Variants in NAALADL2 observed in about 807,000 individuals in gnomAD.
The protein encoded by NAALADL2 is inactive N-acetylated-alpha-linked acidic dipeptidase-like protein 2.
In NAALADL2, 76 loss-of-function variants were observed where a neutral mutation model predicts 87.2. The observed-to-expected ratio is 0.87, with a 90% CI of 0.72 to 1.05. The LOEUF (loss-of-function observed/expected upper bound fraction) is 1.05. Among genes scored for constraint, NAALADL2 ranks in the 50% least tolerant of loss-of-function variants. The pLI is 0.00. For missense variants in NAALADL2, 1,089 were observed against 945.8 expected, an observed-to-expected ratio of 1.15 and a Z score of -1.99; for synonymous variants, 354 against 331.0, an observed-to-expected ratio of 1.07 and a Z score of -0.75.
chr3:175,725,686 G>A (rs1742824628), intron 11 of NAALADL2, among the ~76,000 whole-genome samples: 1 of 152,132 alleles, frequency 6.6e-6, no homozygotes, highest in Admixed American at 6.6e-5. Context: ...CAGATCTGCA[G>A]CCAGAATGCT....
chr3:174,677,112 A>G (rs1727107176), intron 2 of NAALADL2, among the ~76,000 whole-genome samples: 1 of 151,944 alleles, frequency 6.6e-6, no homozygotes, highest in African/African-American at 2.4e-5. Flanking sequence ...CCTCTATCAT[A>G]TCTATCTGCC....
At position 175,560,911 on chromosome 3, in the gene NAALADL2, C is replaced by T. The variant is rs149618303; in HGVS notation, c.1654-15130C>T. Among the ~76,000 whole-genome samples the T allele has an allele frequency of 1.9e-3, 294 of 152,240 alleles. 1 individual carries two copies. Among genetic ancestry groups the T allele is most frequent in the African/African-American group, 5.1e-3 (211 of 41,530 alleles). The stretch of plus-strand genomic sequence containing the variant: ...CTGGGATTACAGGCGTGAACCATTG[C>T]GCCCAGCCCATAACTGAACATTTCT... On this transcript the variant is annotated intron_variant, in intron 9 of 13. Coordinates refer to ENST00000454872, the MANE Select transcript of NAALADL2 (RefSeq NM_207015.3).
At chr3:175,740,936 G>T (rs1017605217) in intron 12 of NAALADL2, among the ~76,000 whole-genome samples, 1 of 152,146 alleles carries the variant, frequency 6.6e-6, no homozygotes, top group Non-Finnish European at 1.5e-5. Flanking sequence ...TGGTATAGGT[G>T]ATAAAAAAGT....
At chr3:175,539,723 C>T (rs1348793298) in intron 9 of NAALADL2, among the ~76,000 whole-genome samples, 1 of 152,018 alleles carries the variant, frequency 6.6e-6, no homozygotes, top group East Asian at 1.9e-4. Flanking sequence ...GCAGATTGTT[C>T]ATAGTGTTAG....
chr3:175,748,457 A>G (rs968626443), intron 12 of NAALADL2, among the ~76,000 whole-genome samples: 3 of 152,312 alleles, frequency 2.0e-5, no homozygotes, highest in South Asian at 2.1e-4. Flanking sequence ...TCTTTTAACC[A>G]CTGTATTATG....
chr3:175,302,037 A>T (rs1757146449), intron 4 of NAALADL2, among the ~76,000 whole-genome samples: 1 of 147,030 alleles, frequency 6.8e-6, no homozygotes, highest in African/African-American at 2.6e-5. Flanking sequence ...GATCATGGTG[A>T]TGCAGAAAGC....
intron 5 of NAALADL2, among the ~76,000 whole-genome samples, chr3:175,351,151 C>T (rs1242370154): frequency 6.6e-6 from 1 of 151,982 alleles, no homozygotes; most frequent in African/African-American, 2.4e-5. Context: ...TTTTCAAGGT[C>T]ACTTAGGTGA....
intron 2 of NAALADL2, among the ~76,000 whole-genome samples, chr3:175,162,673 T>C (rs541577530): frequency 1.2e-4 from 18 of 152,250 alleles, no homozygotes; most frequent in African/African-American, 4.3e-4. Flanking sequence ...AGAAAGTTAA[T>C]ATTCCAGGAT....
chr3:175,517,764 C>T (rs1203001088), intron 9 of NAALADL2, among the ~76,000 whole-genome samples: 3 of 151,988 alleles, frequency 2.0e-5, no homozygotes, highest in East Asian at 1.9e-4. Flanking sequence ...TAAAGGAAAA[C>T]GGCTCTCTCT....
At chr3:175,202,971 C>G (rs374312460) in intron 2 of NAALADL2, among the ~76,000 whole-genome samples, 2 of 152,126 alleles carry the variant, frequency 1.3e-5, no homozygotes, top group East Asian at 1.9e-4. Context: ...CACCTTCCCC[C>G]GCCCAAACCC....
chr3:174,617,851 T>A (rs1486073519), intron 2 of NAALADL2, among the ~76,000 whole-genome samples: 1 of 151,762 alleles, frequency 6.6e-6, no homozygotes, highest in Non-Finnish European at 1.5e-5. Context: ...TGTGTAATTA[T>A]GTTTATATAC....
At chr3:175,238,565 A>C (rs1479376745) in intron 3 of NAALADL2, among the ~76,000 whole-genome samples, 3 of 152,192 alleles carry the variant, frequency 2.0e-5, no homozygotes, top group Non-Finnish European at 4.4e-5. Context: ...TCAAGAAAGC[A>C]CATGCTATTG....
At chr3:175,352,309 G>A (rs1763863401) in intron 5 of NAALADL2, among the ~76,000 whole-genome samples, 1 of 152,082 alleles carries the variant, frequency 6.6e-6, no homozygotes, top group South Asian at 2.1e-4. Context: ...AGGAGAAGAA[G>A]GAAGGGTGAG....
At chr3:175,480,642 C>A (rs1407017785) in intron 9 of NAALADL2, among the ~76,000 whole-genome samples, 2 of 151,676 alleles carry the variant, frequency 1.3e-5, no homozygotes, top group Non-Finnish European at 2.9e-5. Flanking sequence ...AGTTGTCAAC[C>A]TTGAAATAAA....
intron 2 of NAALADL2, among the ~76,000 whole-genome samples, chr3:175,119,235 T>C (rs1725754358): frequency 6.6e-6 from 1 of 151,638 alleles, no homozygotes; most frequent in South Asian, 2.1e-4. Flanking sequence ...TGATAAAGTT[T>C]GAATAAAGTG....
chr3:175,470,918 G>A (rs745493421), intron 8 of NAALADL2, among the ~76,000 whole-genome samples: 2 of 152,024 alleles, frequency 1.3e-5, no homozygotes, highest in African/African-American at 2.4e-5. Context: ...GTAGCTCATT[G>A]CTTCAAAAGT....
At chr3:174,822,491 T>G (rs1390841090) in intron 3 of NAALADL2, among the ~76,000 whole-genome samples, 3 of 152,132 alleles carry the variant, frequency 2.0e-5, no homozygotes, top group Non-Finnish European at 4.4e-5. Flanking sequence ...CATTGGTAAT[T>G]TCTGCCCACA....
At chr3:175,551,074 G>C (rs1404453629) in intron 9 of NAALADL2, among the ~76,000 whole-genome samples, 1 of 150,716 alleles carries the variant, frequency 6.6e-6, no homozygotes, top group Non-Finnish European at 1.5e-5. Context: ...AGACGAGTGT[G>C]TGTGTGTCTC....
At chr3:174,863,608 C>G (rs1479570781) in intron 1 of NAALADL2, among the ~76,000 whole-genome samples, 1 of 151,784 alleles carries the variant, frequency 6.6e-6, no homozygotes, top group African/African-American at 2.4e-5. Context: ...GCAGGAGGAG[C>G]CTTAGTGTCT....
Sources: allele counts gnomAD v4.1 joint callset (sites outside exome capture counted in the v4.1 genomes callset), GRCh38; gene constraint gnomAD v4.1.1; transcripts MANE v1.5; gene names NCBI Gene and HGNC (gene_info 2026-07-23, HGNC 2026-07-21).